POF1B: variants seen among roughly 807,000 people sequenced by gnomAD.
POF1B encodes POF1B actin binding protein, also known as protein POF1B.
POF1B carries 53 observed loss-of-function variants against 55.3 expected under a neutral mutation model. The ratio of observed to expected loss-of-function variants is 0.96; its 90% CI spans 0.77 to 1.20. The LOEUF is 1.20. Ranked by LOEUF, POF1B falls within the 50% of genes most tolerant of loss-of-function variation. The pLI is 0.00. For missense variants in POF1B, 478 were observed against 420.5 expected (o/e 1.14, Z -1.20); for synonymous variants, 188 against 148.3 (o/e 1.27, Z -1.95).
intron 15 of POF1B, among the ~76,000 whole-genome samples, chrX:85,290,688 A>T (rs1389069934): frequency 9.0e-6 from 1 of 111,311 alleles, no homozygotes; most frequent in African/African-American, 3.3e-5. Flanking sequence ...TTTAATTTTC[A>T]TTTCTCTGAT....
chrX:85,306,088 T>A, intron 12 of POF1B, 93 bp downstream of exon 12: 2 of 963,149 alleles, frequency 2.1e-6, no homozygotes, highest in Non-Finnish European at 2.9e-6. Flanking sequence ...TCTAACAGTA[T>A]GTGAGGGAAA....
intron 4 of POF1B, among the ~76,000 whole-genome samples, chrX:85,356,810 T>C (rs1933510680): frequency 1.8e-5 from 2 of 111,403 alleles, no homozygotes; most frequent in South Asian, 7.5e-4. Flanking sequence ...GCAGATCTTA[T>C]AATGTTAATT....
At chrX:85,374,674 T>C (rs1199398842) in intron 2 of POF1B, among the ~76,000 whole-genome samples, 1 of 112,024 alleles carries the variant, frequency 8.9e-6, no homozygotes, top group Non-Finnish European at 1.9e-5. Flanking sequence ...ACAAATACTC[T>C]AGGCTGAACA....
chrX:85,293,907 G>T (rs1287086640), intron 15 of POF1B, among the ~76,000 whole-genome samples: 1 of 109,724 alleles, frequency 9.1e-6, no homozygotes, highest in African/African-American at 3.3e-5. Context: ...GTGGGAATCA[G>T]TGGTTGCAGT....
intron 6 of POF1B, among the ~76,000 whole-genome samples, chrX:85,336,644 T>A (rs761698684): frequency 1.8e-5 from 2 of 111,502 alleles, no homozygotes; most frequent in Non-Finnish European, 3.8e-5. Flanking sequence ...TGGCCCATTT[T>A]AAAAAATTAA....
chrX:85,293,247 C>G (rs1016782929), intron 15 of POF1B, among the ~76,000 whole-genome samples: 2 of 111,811 alleles, frequency 1.8e-5, no homozygotes, highest in Non-Finnish European at 3.8e-5. Context: ...GCACTATTCT[C>G]AATAGCAGAC....
chrX:85,340,706 T>C (rs1226493436), intron 6 of POF1B, among the ~76,000 whole-genome samples: 1 of 110,602 alleles, frequency 9.0e-6, no homozygotes, highest in Non-Finnish European at 1.9e-5. Flanking sequence ...GATGAAACTG[T>C]TGAAGGACAG....
intron 3 of POF1B, among the ~76,000 whole-genome samples, chrX:85,363,384 A>G (rs1933661076): frequency 9.0e-6 from 1 of 110,902 alleles, no homozygotes; most frequent in East Asian, 2.8e-4. Flanking sequence ...TGGGTGTTTA[A>G]TGCTATAAAT....
chrX:85,372,567 C>T (rs1933847241), intron 2 of POF1B, among the ~76,000 whole-genome samples: 1 of 105,739 alleles, frequency 9.5e-6, no homozygotes, highest in African/African-American at 3.4e-5. Flanking sequence ...CACACAGGGG[C>T]CTGTCAGAAG....
rs773158503 is a variant in POF1B at position 85,315,690 on chromosome X, A to G, written c.882+17T>C. 1.8e-6 allele frequency: 2 copies of G among 1,137,527 alleles called. No individual in the cohort carries two copies. The highest frequency in any genetic ancestry group is 1.2e-6 in the Non-Finnish European group (1 of 858,123). The allele number at this position is 1,137,527 out of a possible 1,213,427, so 93.7% of individuals were successfully genotyped here. A position where few individuals can be genotyped will look rare whatever the true frequency, so the allele number is the denominator to read the frequency against. Reference sequence around the variant, plus strand: ...GTTATTATACTATATTCGATTTTCAACTATCTTTGCACTTACCTCATCTGT... The same window carrying G: ...GTTATTATACTATATTCGATTTTCAGCTATCTTTGCACTTACCTCATCTGT... On this transcript the variant is annotated intron_variant, in intron 8 of 16. Coordinates refer to ENST00000262753, the MANE Select transcript of POF1B (RefSeq NM_024921.4).
intron 4 of POF1B, among the ~76,000 whole-genome samples, 178 bp downstream of exon 4, chrX:85,359,372 G>C (rs1933562445): frequency 9.0e-6 from 1 of 111,228 alleles, no homozygotes; most frequent in Non-Finnish European, 1.9e-5. Flanking sequence ...AGAATATATA[G>C]ACTCATGGTT....
chrX:85,354,175 AC>A (rs1161490244), intron 4 of POF1B, among the ~76,000 whole-genome samples: 3 of 110,979 alleles, frequency 2.7e-5, no homozygotes, highest in Non-Finnish European at 5.7e-5. Context: ...GTTTTAAAGT[AC>A]CCTTAATCTA....
chrX:85,301,584 G>T (rs1932457765), intron 15 of POF1B, among the ~76,000 whole-genome samples: 1 of 111,119 alleles, frequency 9.0e-6, no homozygotes, highest in Non-Finnish European at 1.9e-5. Flanking sequence ...AAGAAATAAA[G>T]ATCACCAGTA....
chrX:85,367,248 A>G (rs959468979), intron 3 of POF1B, among the ~76,000 whole-genome samples: 1 of 111,944 alleles, frequency 8.9e-6, no homozygotes, highest in African/African-American at 3.2e-5. Context: ...AAGTGGGACT[A>G]TTAGGCCATA....
At chrX:85,321,988 G>A (rs1932842785) in intron 7 of POF1B, among the ~76,000 whole-genome samples, 1 of 110,638 alleles carries the variant, frequency 9.0e-6, no homozygotes, top group Non-Finnish European at 1.9e-5. Context: ...TGGGTAGGAA[G>A]AATCAATATC....
chrX:85,305,794 C>A lies in POF1B; in HGVS notation c.1434G>T (p.Leu478=). 1 of 1,208,140 alleles carries A rather than the reference C, an allele frequency of 8.3e-7. No individual in the cohort carries two copies. Among genetic ancestry groups the A allele is most frequent in the Non-Finnish European group, 1.1e-6 (1 of 893,476 alleles). The change falls in exon 13 of 17, where the codon CTG becomes CTT. Residue 478 remains leucine (L), a synonymous_variant. Coordinates refer to ENST00000262753, the MANE Select transcript of POF1B (RefSeq NM_024921.4). The part of the protein sequence containing the change: ...RMEKDREICR[L]RSQLNQYHKD... The stretch of plus-strand genomic sequence containing the variant: ...ATGCAATGTAGGATCAACATACCCT[C>A]AGTCTGCAGATCTCTCTATCTTTCT...
chrX:85,371,450 T>C (rs1043397932), intron 2 of POF1B, among the ~76,000 whole-genome samples: 2 of 111,299 alleles, frequency 1.8e-5, no homozygotes, highest in African/African-American at 3.3e-5. Context: ...GATACTATTA[T>C]AACCCCATTA....
intron 2 of POF1B, among the ~76,000 whole-genome samples, chrX:85,368,113 C>T (rs905026893): frequency 2.7e-5 from 3 of 111,681 alleles, no homozygotes; most frequent in Admixed American, 1.9e-4. Flanking sequence ...CAAAACTTTT[C>T]TTTCAGTATT....
intron 16 of POF1B, among the ~76,000 whole-genome samples, chrX:85,280,187 T>A (rs1237453279): frequency 9.0e-6 from 1 of 111,501 alleles, no homozygotes; most frequent in African/African-American, 3.2e-5. Flanking sequence ...CTTTTTGAAT[T>A]TTTTTGTTGA....
Sources: gnomAD v4.1 joint callset for allele counts (sites outside exome capture counted in the v4.1 genomes callset) on GRCh38, gnomAD v4.1.1 for gene constraint, MANE v1.5 for transcripts, NCBI Gene and HGNC (gene_info 2026-07-23, HGNC 2026-07-21) for gene names.